Variants in KLHL32 observed in about 807,000 individuals in gnomAD.
KLHL32 encodes kelch-like protein 32.
A neutral mutation model predicts 64.8 loss-of-function variants in KLHL32; 35 were observed. The observed-to-expected ratio is 0.54, with a 90% CI of 0.41 to 0.72. The LOEUF (loss-of-function observed/expected upper bound fraction) is 0.72, where lower values mean the gene tolerates loss of function less well. KLHL32 is among the 30% of genes least tolerant of loss of function. KLHL32 has a pLI of 0.00. For missense variants in KLHL32, 589 were observed against 768.5 expected, an observed-to-expected ratio of 0.77 and a Z score of 2.76; for synonymous variants, 259 against 281.0, an observed-to-expected ratio of 0.92 and a Z score of 0.78.
At chr6:96,901,500 C>T in the KLHL32 span, among the ~76,000 whole-genome samples, 3 of 152,102 alleles carry the variant, frequency 2.0e-5, no homozygotes, top group African/African-American at 7.2e-5. Context: ...CGTGGATAAT[C>T]CAGGATAATC....
intron 6 of KLHL32, among the ~76,000 whole-genome samples, chr6:97,091,981 C>CTTTTTTTTTTT (rs11340950): frequency 3.8e-5 from 5 of 132,378 alleles, no homozygotes; most frequent in African/African-American, 2.7e-5. Flanking sequence ...CTCTTTCTTT[C>CTTTTTTTTTTT]TTTTTTTTTT....
At chr6:97,078,190 A>C (rs1435576724) in intron 5 of KLHL32, among the ~76,000 whole-genome samples, 1 of 152,210 alleles carries the variant, frequency 6.6e-6, no homozygotes, top group Non-Finnish European at 1.5e-5. Flanking sequence ...GAGTGGTTTT[A>C]AAAAGAGAAT....
intron 3 of KLHL32, among the ~76,000 whole-genome samples, chr6:97,040,977 C>T (rs1263127702): frequency 6.6e-6 from 1 of 152,170 alleles, no homozygotes; most frequent in East Asian, 1.9e-4. Flanking sequence ...AACTGTGAGT[C>T]AATTAAACCT....
At chr6:97,013,680 A>G (rs893188300) in intron 3 of KLHL32, among the ~76,000 whole-genome samples, 1 of 152,194 alleles carries the variant, frequency 6.6e-6, no homozygotes, top group Admixed American at 6.5e-5. Flanking sequence ...AAGTTATTCA[A>G]TCTTTTGATA....
chr6:96,963,433 T>C (rs980849557), intron 1 of KLHL32, among the ~76,000 whole-genome samples: 2 of 152,204 alleles, frequency 1.3e-5, no homozygotes, highest in African/African-American at 4.8e-5. Context: ...CAAAAAGAAA[T>C]TATGAAAATG....
chr6:97,122,943 T>C (rs1005190792), intron 7 of KLHL32, among the ~76,000 whole-genome samples: 1 of 152,222 alleles, frequency 6.6e-6, no homozygotes, highest in Non-Finnish European at 1.5e-5. Context: ...GAGATGGTTT[T>C]CCTCAATCCT....
rs749273370 is a variant in KLHL32, at chr6:97,127,397, A to C, written c.1355-7A>C. ...GAAAAGCTCTAACACATGTTAATCCATTACAGGTGGAGTAACTAATACGGC... is the reference window on the plus strand; with the variant it reads ...GAAAAGCTCTAACACATGTTAATCCCTTACAGGTGGAGTAACTAATACGGC... On this transcript the variant is annotated splice_polypyrimidine_tract_variant and splice_region_variant and intron_variant, in intron 7 of 10. Transcript: ENST00000369261. The C allele has an allele frequency of 6.2e-7, 1 of 1,610,654 alleles. No homozygotes were observed. Among genetic ancestry groups the C allele is most frequent in the Non-Finnish European group, 8.5e-7 (1 of 1,177,008 alleles).
chr6:97,140,703 T>A lies in KLHL32; in HGVS notation c.*1421T>A, dbSNP rs1426023624. 3 of 152,034 alleles carry A rather than the reference T, an allele frequency of 2.0e-5. No homozygotes were observed. Among genetic ancestry groups the A allele is most frequent in the African/African-American group, 7.2e-5 (3 of 41,454 alleles). The allele number at this position is 152,034 out of a possible 1,614,324, so 9.4% of individuals were successfully genotyped here. On this transcript the variant is annotated 3_prime_UTR_variant, in exon 11 of 11. Coordinates refer to ENST00000369261, the MANE Select transcript of KLHL32 (RefSeq NM_052904.4). The stretch of plus-strand genomic sequence containing the variant: ...AAAGGAAATTGTTATTTTATTCATG[T>A]AACCTTTTTTTGTAATCAAAAGTGA...
the KLHL32 span, among the ~76,000 whole-genome samples, chr6:96,915,296 T>C: frequency 6.6e-6 from 1 of 152,188 alleles, no homozygotes; most frequent in Admixed American, 6.5e-5. Context: ...TGCTGTTTTC[T>C]AATAGCTGTT....
intron 3 of KLHL32, among the ~76,000 whole-genome samples, chr6:97,008,902 C>T (rs555725771): frequency 2.8e-4 from 42 of 152,086 alleles, no homozygotes; most frequent in African/African-American, 9.4e-4. Flanking sequence ...TGTGCTTAGC[C>T]GGCCGTCTTG....
At chr6:96,910,447 C>T in the KLHL32 span, among the ~76,000 whole-genome samples, 63 of 152,206 alleles carry the variant, frequency 4.1e-4, no homozygotes, top group Middle Eastern at 6.8e-3. Context: ...TATGAGCACT[C>T]TAATTTGTGT....
Position 97,132,686 on chromosome 6 carries a change from G to A in KLHL32, c.1640G>A (p.Gly547Glu). Reference protein sequence around the residue: ...QNESGVAVHNGRIYLVGGYSI... With the variant: ...QNESGVAVHNERIYLVGGYSI... The stretch of plus-strand genomic sequence containing the variant: ...GAATCTGGAGTTGCTGTCCATAATG[G>A]GAGAATATATTTAGTTGGTGGATAT... The change falls in exon 10 of 11, where the codon GGG (glycine) becomes GAG (glutamate). Residue 547 changes from glycine to glutamate, a missense_variant. Physicochemically the swap from Gly to Glu is moderately conservative, Grantham distance 98 (BLOSUM62 -2). Coordinates refer to ENST00000369261, the MANE Select transcript of KLHL32 (RefSeq NM_052904.4). The A allele has an allele frequency of 6.2e-7, 1 of 1,612,934 alleles. No individual in the cohort carries two copies. The highest frequency in any genetic ancestry group is 8.5e-7 in the Non-Finnish European group (1 of 1,179,402).
the KLHL32 span, among the ~76,000 whole-genome samples, chr6:96,918,380 C>T: frequency 3.9e-5 from 6 of 152,100 alleles, no homozygotes; most frequent in Non-Finnish European, 8.8e-5. Context: ...ATATTTTTAC[C>T]TTCAGGCTGA....
At chr6:97,038,923 C>G (rs1393182627) in intron 3 of KLHL32, among the ~76,000 whole-genome samples, 1 of 151,210 alleles carries the variant, frequency 6.6e-6, no homozygotes, top group African/African-American at 2.4e-5. Context: ...AAACCCCGCT[C>G]TACTAAAAAT....
At chr6:97,008,165 G>C (rs1241910888) in intron 3 of KLHL32, among the ~76,000 whole-genome samples, 1 of 152,144 alleles carries the variant, frequency 6.6e-6, no homozygotes, top group Non-Finnish European at 1.5e-5. Context: ...GGGTGTCAGG[G>C]TGTGCTAGCA....
At chr6:97,055,431 C>T (rs1787641453) in intron 4 of KLHL32, among the ~76,000 whole-genome samples, 1 of 152,178 alleles carries the variant, frequency 6.6e-6, no homozygotes, top group Non-Finnish European at 1.5e-5. Context: ...TGTCCAATAT[C>T]ACTCCTGTTA....
At chr6:97,050,032 T>A (rs1786609482) in intron 4 of KLHL32, among the ~76,000 whole-genome samples, 1 of 152,192 alleles carries the variant, frequency 6.6e-6, no homozygotes, top group Non-Finnish European at 1.5e-5. Context: ...TTCTCTGTGC[T>A]ATCCAGTCAG....
chr6:97,127,548 T>C (rs1799002584), intron 8 of KLHL32, 86 bp downstream of exon 8: 1 of 1,018,232 alleles, frequency 9.8e-7, no homozygotes, highest in Non-Finnish European at 1.5e-6. Context: ...ATGCCAAGTG[T>C]ACACACACAG....
At chr6:96,997,687 C>T (rs1412550615) in intron 3 of KLHL32, among the ~76,000 whole-genome samples, 1 of 152,008 alleles carries the variant, frequency 6.6e-6, no homozygotes, top group Non-Finnish European at 1.5e-5. Context: ...TGTAGTGAGC[C>T]ATGATTACAC....
Sources: allele counts gnomAD v4.1 joint callset (sites outside exome capture counted in the v4.1 genomes callset), GRCh38; gene constraint gnomAD v4.1.1; transcripts MANE v1.5; gene names NCBI Gene and HGNC (gene_info 2026-07-23, HGNC 2026-07-21).